The following MTAP variants were observed in gnomAD, a reference collection of about 807,000 sequenced individuals.
MTAP encodes the protein S-methyl-5'-thioadenosine phosphorylase.
Under a neutral mutation model 33.6 loss-of-function variants are expected in MTAP, and 33 were observed. The observed-to-expected ratio is 0.98, with a 90% CI of 0.74 to 1.31. MTAP has a LOEUF of 1.31. MTAP is among the 40% of genes most tolerant of loss of function. The pLI is 0.00. For synonymous variants in MTAP, 148 were observed against 125.7 expected (o/e 1.18, Z -1.19); for missense variants, 367 against 360.0 (o/e 1.02, Z -0.16).
intron 4 of MTAP, 66 bp from the exon 5 acceptor site, chr9:21,837,842 C>A: frequency 1.5e-6 from 2 of 1,315,388 alleles, no homozygotes; most frequent in South Asian, 1.2e-5. Flanking sequence ...ACTCACCAGC[C>A]CTCGGAGGAT....
At chr9:21,921,469 G>C (rs1286368621) in intron 1 of MTAP, among the ~76,000 whole-genome samples, 1 of 151,784 alleles carries the variant, frequency 6.6e-6, no homozygotes, top group Non-Finnish European at 1.5e-5. Context: ...GCTCCCTGAG[G>C]TGCATCATTA....
chr9:21,927,577 C>A (rs555086470), intron 1 of MTAP, among the ~76,000 whole-genome samples: 1 of 152,168 alleles, frequency 6.6e-6, no homozygotes, highest in East Asian at 1.9e-4. Context: ...GGAAGACTTA[C>A]AATATCAGCC....
At chr9:21,843,154 A>G (rs1825292598) in intron 5 of MTAP, among the ~76,000 whole-genome samples, 1 of 152,222 alleles carries the variant, frequency 6.6e-6, no homozygotes, top group African/African-American at 2.4e-5. Context: ...AAACAACAAC[A>G]GTTAAAGCAA....
rs984349847 is a variant in MTAP at position 21,802,741 on chromosome 9, G to T, written c.-8G>T. ...CTCGCCCACTGCAGATTCCTTTCCC[G>T]TGCAGACATGGCCTCTGGCACCACC... On this transcript the variant is annotated 5_prime_UTR_variant, in exon 1 of 8. Transcript: ENST00000644715. 4 of 1,612,756 alleles carry T rather than the reference G, an allele frequency of 2.5e-6. No homozygotes were observed. The highest frequency in any genetic ancestry group is 3.4e-6 in the Non-Finnish European group (4 of 1,179,832).
intron 2 of MTAP, among the ~76,000 whole-genome samples, chr9:21,815,800 G>T (rs1824459595): frequency 6.6e-6 from 1 of 152,118 alleles, no homozygotes; most frequent in African/African-American, 2.4e-5. Flanking sequence ...TCAGACCACA[G>T]ACTCATTTCA....
intron 4 of MTAP, among the ~76,000 whole-genome samples, chr9:21,820,971 A>T (rs1824621198): frequency 6.6e-6 from 1 of 152,146 alleles, no homozygotes; most frequent in African/African-American, 2.4e-5. Flanking sequence ...TTGCACATTG[A>T]TTTTGTGTCC....
intron 4 of MTAP, among the ~76,000 whole-genome samples, chr9:21,830,214 T>C (rs940237265): frequency 6.6e-6 from 1 of 152,244 alleles, no homozygotes; most frequent in Non-Finnish European, 1.5e-5. Context: ...GTGTTATATT[T>C]TTCATTTTCC....
chr9:21,930,293 C>T (rs1818936660), intron 1 of MTAP: 1 of 230,232 alleles, frequency 4.3e-6, no homozygotes, highest in Non-Finnish European at 8.6e-6. Context: ...TGGGGGCTGT[C>T]CTCATCTCTT....
At position 21,864,406 on chromosome 9, in the gene MTAP, G is replaced by A. The variant is rs1825815563; in HGVS notation, c.*2392G>A. ...AAGTGAACACCATGGTCAGTTGTGAGCATTTTGGTTTCCGCAAAGGATGGA... is the reference window on the plus strand; with the variant it reads ...AAGTGAACACCATGGTCAGTTGTGAACATTTTGGTTTCCGCAAAGGATGGA... On this transcript the variant is annotated 3_prime_UTR_variant, in exon 8 of 8. Coordinates refer to ENST00000644715, the MANE Select transcript of MTAP (RefSeq NM_002451.4). The A allele has an allele frequency of 1.0e-5, 10 of 985,164 alleles. No homozygotes were observed. Among genetic ancestry groups the A allele is most frequent in the South Asian group, 4.7e-5 (1 of 21,268 alleles). 61.0% of individuals were successfully genotyped at this position (985,164 alleles called of 1,614,324 possible).
chr9:21,900,082 A>G (rs1587284550), intron 1 of MTAP, among the ~76,000 whole-genome samples: 1 of 152,220 alleles, frequency 6.6e-6, no homozygotes, highest in African/African-American at 2.4e-5. Context: ...AAACCCTAGA[A>G]GAAAACCTAG....
In MTAP at chr9:21,866,283, C is replaced by T. The variant is rs369020018; in HGVS notation, c.*4269C>T. The T allele has an allele frequency of 6.6e-6, 1 of 152,274 alleles. No homozygotes were observed. The highest frequency in any genetic ancestry group is 1.9e-4 in the East Asian group (1 of 5,186). 9.4% of individuals were successfully genotyped at this position (152,274 alleles called of 1,614,324 possible). The stretch of plus-strand genomic sequence containing the variant: ...GAATTGTTTATATATTCTGGATACA[C>T]TCTTTTTCAGATATGTGTGTTGTGA... On this transcript the variant is annotated 3_prime_UTR_variant, in exon 8 of 8. Coordinates refer to ENST00000644715, the MANE Select transcript of MTAP (RefSeq NM_002451.4).
chr9:21,835,980 T>C (rs1340537327), intron 4 of MTAP, among the ~76,000 whole-genome samples: 1 of 151,964 alleles, frequency 6.6e-6, no homozygotes. Context: ...CCAAAAATGG[T>C]TTTAAGCCCT....
At chr9:21,910,780 C>G (rs1341822402) in intron 1 of MTAP, among the ~76,000 whole-genome samples, 1 of 152,082 alleles carries the variant, frequency 6.6e-6, no homozygotes, top group East Asian at 1.9e-4. Flanking sequence ...GTATCACAGT[C>G]CAACTCCAGA....
chr9:21,861,762 T>G (rs1365804111), intron 7 of MTAP: 4 of 583,568 alleles, frequency 6.9e-6, no homozygotes, highest in African/African-American at 3.8e-5. Flanking sequence ...AACCTCACTT[T>G]ACAGGAAAGG....
intron 1 of MTAP, among the ~76,000 whole-genome samples, chr9:21,882,081 G>A (rs938638297): frequency 1.3e-5 from 2 of 151,860 alleles, no homozygotes; most frequent in African/African-American, 2.4e-5. Flanking sequence ...GGTATAGCAT[G>A]CAAATGTAGT....
At chr9:21,903,943 C>G (rs949542433) in intron 1 of MTAP, among the ~76,000 whole-genome samples, 1 of 152,168 alleles carries the variant, frequency 6.6e-6, no homozygotes, top group East Asian at 1.9e-4. Flanking sequence ...TTCTGTATCC[C>G]GGGTTCTTGC....
intron 1 of MTAP, among the ~76,000 whole-genome samples, 186 bp from the exon 2 acceptor site, chr9:21,815,247 T>A (rs1824446770): frequency 6.6e-6 from 1 of 152,244 alleles, no homozygotes; most frequent in African/African-American, 2.4e-5. Context: ...TTCAAATGTT[T>A]GTTGATTTTT....
intron 5 of MTAP, among the ~76,000 whole-genome samples, chr9:21,845,436 GA>G (rs548226459): frequency 2.0e-5 from 3 of 150,216 alleles, no homozygotes; most frequent in South Asian, 2.1e-4. Context: ...ACAGTTGCAG[GA>G]AAAAAAAAGT....
chr9:21,940,827 G>A (rs1007088650), downstream of MTAP: 1 of 167,724 alleles, frequency 6.0e-6, no homozygotes, highest in African/African-American at 2.4e-5. Flanking sequence ...TTAGAGGTTA[G>A]TATGGAGGTT....
Sources: gnomAD v4.1 joint callset for allele counts (sites outside exome capture counted in the v4.1 genomes callset) on GRCh38, gnomAD v4.1.1 for gene constraint, MANE v1.5 for transcripts, NCBI Gene and HGNC (gene_info 2026-07-23, HGNC 2026-07-21) for gene names.